PTAFR: variants seen among roughly 807,000 people sequenced by gnomAD.
PTAFR encodes platelet activating factor receptor.
A neutral mutation model predicts 14.7 loss-of-function variants in PTAFR; 8 were observed. That is an observed-to-expected ratio of 0.54 (90% CI 0.32 to 0.98). The LOEUF (loss-of-function observed/expected upper bound fraction) is 0.98. PTAFR is among the 50% of genes least tolerant of loss of function. The pLI is 0.04. For missense variants in PTAFR, 337 were observed against 451.2 expected (o/e 0.75, Z 2.29); for synonymous variants, 156 against 176.5 (o/e 0.88, Z 0.92).
intron 1 of PTAFR, among the ~76,000 whole-genome samples, chr1:28,153,616 G>A (rs551609925): frequency 1.3e-4 from 20 of 150,508 alleles, no homozygotes; most frequent in South Asian, 2.1e-4. Context: ...CAGGCTAGGC[G>A]CGGTGGCTCA....
intron 1 of PTAFR, among the ~76,000 whole-genome samples, chr1:28,167,596 C>T (rs1646399538): frequency 7.2e-6 from 1 of 138,902 alleles, no homozygotes. Context: ...CAGTTCCGCT[C>T]TGGGTATACT....
chr1:28,157,775 C>T (rs1646282181), intron 1 of PTAFR, among the ~76,000 whole-genome samples: 1 of 151,818 alleles, frequency 6.6e-6, no homozygotes, highest in South Asian at 2.1e-4. Flanking sequence ...ACTACAGGCG[C>T]CTGCCACGAC....
Position 28,168,161 on chromosome 1 carries a change from A to T in PTAFR, c.-39+8431T>A, listed in dbSNP as rs572025406. Among the ~76,000 whole-genome samples the T allele has an allele frequency of 2.2e-3, 323 of 146,524 alleles. 1 individual carries two copies. Among genetic ancestry groups the T allele is most frequent in the African/African-American group, 7.7e-3 (302 of 39,356 alleles). ...TTTTTTTTTGTATTTTTAGTAGAGA[A>T]GGGGTTTCACCGTGTTAGCCAGGAT... On this transcript the variant is annotated intron_variant, in intron 1 of 1. Coordinates refer to ENST00000373857, the MANE Select transcript of PTAFR (RefSeq NM_000952.5).
At chr1:28,173,298 AGG>A (rs71586830) in intron 1 of PTAFR, among the ~76,000 whole-genome samples, 8 of 31,686 alleles carry the variant, frequency 2.5e-4, no homozygotes, top group Non-Finnish European at 4.2e-4. Context: ...TTAAAAAAAA[AGG>A]GGGGGGGGTG....
chr1:28,151,045 T>C lies in PTAFR; in HGVS notation c.-24A>G, dbSNP rs1646180875. 5 of 1,530,378 alleles carry C rather than the reference T, an allele frequency of 3.3e-6. No homozygotes were observed. Among genetic ancestry groups the C allele is most frequent in the Non-Finnish European group, 4.4e-6 (5 of 1,135,622 alleles). The allele number at this position is 1,530,378 out of a possible 1,614,324, so 94.8% of individuals were successfully genotyped here. A position where few individuals can be genotyped will look rare whatever the true frequency, so the allele number is the denominator to read the frequency against. ...ATTGCTGTGGGCTGGAATGATCAGC[T>C]GGTCCTGGTGGTGCCTGGAAGACCA... On this transcript the variant is annotated 5_prime_UTR_variant, in exon 2 of 2. Transcript: ENST00000373857.
At chr1:28,183,479 T>A (rs897077745) in intron 1 of PTAFR, among the ~76,000 whole-genome samples, 6 of 152,068 alleles carry the variant, frequency 3.9e-5, no homozygotes, top group African/African-American at 1.4e-4. Context: ...ACAGAAAAAA[T>A]TAGCTGGACA....
intron 1 of PTAFR, among the ~76,000 whole-genome samples, chr1:28,174,320 GT>G (rs1488361075): frequency 5.3e-5 from 8 of 152,124 alleles, no homozygotes; most frequent in African/African-American, 1.9e-4. Context: ...GAACAGGAAA[GT>G]GGGGGATGCC....
upstream of PTAFR, among the ~76,000 whole-genome samples, chr1:28,180,953 T>TATTG (rs1330377522): frequency 1.3e-5 from 2 of 152,100 alleles, no homozygotes; most frequent in African/African-American, 2.4e-5. Flanking sequence ...ATATTTATTT[T>TATTG]ATTGATTGAT....
chr1:28,181,195 A>G (rs572306699), upstream of PTAFR, among the ~76,000 whole-genome samples: 3 of 152,312 alleles, frequency 2.0e-5, no homozygotes, highest in South Asian at 6.2e-4. Context: ...TATAGCAGCC[A>G]CAGGAAACTA....
At chr1:28,183,233 T>C (rs1337511856) in intron 1 of PTAFR, among the ~76,000 whole-genome samples, 1 of 152,124 alleles carries the variant, frequency 6.6e-6, no homozygotes, top group Non-Finnish European at 1.5e-5. Context: ...GTATGCAGCC[T>C]AGAAAGCTCT....
intron 1 of PTAFR, among the ~76,000 whole-genome samples, chr1:28,170,215 A>G (rs1646437526): frequency 6.6e-6 from 1 of 152,126 alleles, no homozygotes; most frequent in Non-Finnish European, 1.5e-5. Flanking sequence ...CATATCACCA[A>G]TACCCATCAC....
upstream of PTAFR, among the ~76,000 whole-genome samples, chr1:28,181,090 C>T (rs549946135): frequency 7.2e-5 from 11 of 152,202 alleles, no homozygotes; most frequent in Admixed American, 2.6e-4. Flanking sequence ...TGAAGCAATC[C>T]GCCCTCCTCC....
intron 1 of PTAFR, among the ~76,000 whole-genome samples, chr1:28,186,999 C>G (rs759203199): frequency 1.3e-5 from 2 of 152,168 alleles, no homozygotes; most frequent in Admixed American, 6.6e-5. Context: ...CTATGTTGCA[C>G]AGGCTGGTCT....
chr1:28,151,109 G>A, intron 1 of PTAFR, 50 bp from the exon 2 acceptor site: 2 of 1,064,040 alleles, frequency 1.9e-6, no homozygotes, highest in Non-Finnish European at 2.7e-6. Flanking sequence ...AGAAGGGACT[G>A]TTCCATTTCA....
At chr1:28,189,809 G>C (rs1458144987) in intron 1 of PTAFR, among the ~76,000 whole-genome samples, 2 of 149,744 alleles carry the variant, frequency 1.3e-5, no homozygotes, top group African/African-American at 4.9e-5. Context: ...GAGACTACAG[G>C]TGCACACCAC....
At chr1:28,182,390 G>A (rs1646569647) in intron 1 of PTAFR, among the ~76,000 whole-genome samples, 1 of 149,664 alleles carries the variant, frequency 6.7e-6, no homozygotes, top group Non-Finnish European at 1.5e-5. Context: ...GGGAAATTGA[G>A]CATTGCCAGG....
At chr1:28,187,541 C>T (rs1027353983) in intron 1 of PTAFR, among the ~76,000 whole-genome samples, 4 of 152,044 alleles carry the variant, frequency 2.6e-5, no homozygotes, top group African/African-American at 9.7e-5. Context: ...GAGTCTCGCT[C>T]GTCACCCAAG....
chr1:28,171,497 T>A (rs1646454355), intron 1 of PTAFR, among the ~76,000 whole-genome samples: 1 of 152,156 alleles, frequency 6.6e-6, no homozygotes, highest in Non-Finnish European at 1.5e-5. Context: ...CCTCTAATGT[T>A]ACCTCTCACA....
upstream of PTAFR, among the ~76,000 whole-genome samples, chr1:28,178,417 C>T (rs552779906): frequency 1.9e-4 from 29 of 151,926 alleles, no homozygotes; most frequent in East Asian, 5.4e-3. Context: ...AGCACTGCCA[C>T]GCCCGGCTAA....
Sources: allele counts gnomAD v4.1 joint callset (sites outside exome capture counted in the v4.1 genomes callset), GRCh38; gene constraint gnomAD v4.1.1; transcripts MANE v1.5; gene names NCBI Gene and HGNC (gene_info 2026-07-23, HGNC 2026-07-21).